Variants in SDK1 observed in about 807,000 individuals in gnomAD.
The protein encoded by SDK1 is protein sidekick-1.
In SDK1, 157 loss-of-function variants were observed where a neutral mutation model predicts 245.5. The observed-to-expected ratio is 0.64, with a 90% CI of 0.56 to 0.73. The LOEUF is 0.73. Among genes scored for constraint, SDK1 ranks in the 30% least tolerant of loss-of-function variants. The pLI, the probability that SDK1 is intolerant of heterozygous loss-of-function variation, is 0.00. For synonymous variants in SDK1, 1,647 were observed against 1,278.5 expected, an observed-to-expected ratio of 1.29 and a Z score of -6.15; for missense variants, 3,583 against 3,002.3, an observed-to-expected ratio of 1.19 and a Z score of -4.52.
At chr7:3,602,644 T>A (rs6462188) in intron 1 of SDK1, among the ~76,000 whole-genome samples, 3 of 150,894 alleles carry the variant, frequency 2.0e-5, no homozygotes, top group Non-Finnish European at 4.4e-5. Context: ...CACTCTGATG[T>A]TAGTTTCTTT....
chr7:4,083,408 C>A (rs1018355370), intron 22 of SDK1, among the ~76,000 whole-genome samples: 72 of 152,238 alleles, frequency 4.7e-4, no homozygotes, highest in African/African-American at 1.4e-3. Context: ...CATGGGACAT[C>A]TGCATTGGAG....
chr7:3,627,372 T>C (rs1782154238), intron 2 of SDK1, among the ~76,000 whole-genome samples: 1 of 152,202 alleles, frequency 6.6e-6, no homozygotes, highest in Admixed American at 6.5e-5. Context: ...GAGTCCCTGA[T>C]CTGGGACAAT....
chr7:4,130,186 A>T, intron 27 of SDK1, 89 bp downstream of exon 27: 2 of 1,371,410 alleles, frequency 1.5e-6, no homozygotes, highest in Non-Finnish European at 2.0e-6. Context: ...GTCGCTTTTA[A>T]CTTAATTTTC....
chr7:4,223,552 C>T (rs545813901), intron 40 of SDK1, among the ~76,000 whole-genome samples: 1 of 152,338 alleles, frequency 6.6e-6, no homozygotes, highest in African/African-American at 2.4e-5. Flanking sequence ...CCATCTCTGC[C>T]TTCATCTTCC....
At chr7:4,003,786 A>AG (rs1233322681) in intron 14 of SDK1, among the ~76,000 whole-genome samples, 3 of 152,228 alleles carry the variant, frequency 2.0e-5, no homozygotes, top group Admixed American at 6.5e-5. Context: ...TAAGGAATGC[A>AG]GCCTGCTTAT....
intron 1 of SDK1, among the ~76,000 whole-genome samples, chr7:3,602,173 A>G (rs1322228478): frequency 6.6e-6 from 1 of 151,916 alleles, no homozygotes; most frequent in Non-Finnish European, 1.5e-5. Flanking sequence ...AATGATTTAT[A>G]ATCCTTTGGG....
At chr7:3,556,319 T>G (rs1476961194) in intron 1 of SDK1, among the ~76,000 whole-genome samples, 1 of 152,186 alleles carries the variant, frequency 6.6e-6, no homozygotes, top group African/African-American at 2.4e-5. Flanking sequence ...AAACTTCATG[T>G]GTTCTCAGTC....
chr7:4,204,070 G>C (rs1784049044), intron 35 of SDK1, among the ~76,000 whole-genome samples: 1 of 152,222 alleles, frequency 6.6e-6, no homozygotes, highest in Admixed American at 6.5e-5. Flanking sequence ...GCGCTGAGTT[G>C]GGCCATCTTT....
chr7:3,469,488 T>C (rs927797970), intron 1 of SDK1, among the ~76,000 whole-genome samples: 5 of 152,100 alleles, frequency 3.3e-5, no homozygotes, highest in African/African-American at 4.8e-5. Flanking sequence ...TAGCATGAGG[T>C]GATGTACACT....
intron 1 of SDK1, among the ~76,000 whole-genome samples, chr7:3,410,859 T>C (rs541507142): frequency 2.6e-5 from 4 of 152,160 alleles, no homozygotes; most frequent in Admixed American, 1.3e-4. Context: ...GGTGCTGGGA[T>C]TACATGTTTG....
chr7:4,253,631 T>C (rs1295640007), intron 44 of SDK1, among the ~76,000 whole-genome samples: 1 of 152,200 alleles, frequency 6.6e-6, no homozygotes, highest in African/African-American at 2.4e-5. Flanking sequence ...GAGTGTTCTG[T>C]ATGTGTCTGT....
intron 1 of SDK1, among the ~76,000 whole-genome samples, chr7:3,491,914 T>G (rs998421456): frequency 2.0e-5 from 3 of 152,210 alleles, no homozygotes; most frequent in African/African-American, 7.2e-5. Flanking sequence ...AACAGTATAT[T>G]GATGACCACT....
At chr7:4,006,601 AT>A (rs561869466) in intron 14 of SDK1, among the ~76,000 whole-genome samples, 97 of 151,726 alleles carry the variant, frequency 6.4e-4, no homozygotes, top group African/African-American at 1.6e-3. Context: ...TCCCAAAACA[AT>A]TTTTTTTTGT....
intron 5 of SDK1, among the ~76,000 whole-genome samples, chr7:3,833,893 C>A (rs1779971499): frequency 6.6e-6 from 1 of 152,182 alleles, no homozygotes; most frequent in South Asian, 2.1e-4. Flanking sequence ...ATCCTATTCA[C>A]CTCTTCAGTT....
intron 18 of SDK1, among the ~76,000 whole-genome samples, chr7:4,051,424 A>G (rs1789469565): frequency 6.6e-6 from 1 of 151,628 alleles, no homozygotes; most frequent in African/African-American, 2.4e-5. Flanking sequence ...ATACAAGTAT[A>G]AAATACATGT....
chr7:4,072,411 T>TTGGAGGAGAAGGTCC (rs1206870989), intron 20 of SDK1, among the ~76,000 whole-genome samples: 4 of 152,142 alleles, frequency 2.6e-5, no homozygotes, highest in Admixed American at 6.5e-5. Context: ...CTGCAGCTCT[T>TTGGAGGAGAAGGTCC]TGGAGGAGAA....
At chr7:3,898,302 T>C (rs1440682298) in intron 5 of SDK1, among the ~76,000 whole-genome samples, 1 of 152,094 alleles carries the variant, frequency 6.6e-6, no homozygotes, top group Non-Finnish European at 1.5e-5. Context: ...GGTGCAAAGA[T>C]TTTCTAGGTT....
chr7:3,724,459 C>G (rs112861937), intron 4 of SDK1, among the ~76,000 whole-genome samples: 9 of 152,142 alleles, frequency 5.9e-5, no homozygotes, highest in African/African-American at 1.9e-4. Context: ...TGTACCATCA[C>G]CTTATTATGT....
intron 1 of SDK1, among the ~76,000 whole-genome samples, chr7:3,398,079 A>G (rs1298022397): frequency 1.3e-5 from 2 of 151,948 alleles, no homozygotes; most frequent in African/African-American, 4.8e-5. Context: ...TGTAGGTTTA[A>G]CGTTTTCTAT....
Sources: allele counts gnomAD v4.1 joint callset (sites outside exome capture counted in the v4.1 genomes callset), GRCh38; gene constraint gnomAD v4.1.1; transcripts MANE v1.5; gene names NCBI Gene and HGNC (gene_info 2026-07-23, HGNC 2026-07-21).